Variants in NCOR2 observed in about 807,000 individuals in gnomAD.
NCOR2 encodes the protein nuclear receptor corepressor 2.
A neutral mutation model predicts 262.9 loss-of-function variants in NCOR2; 81 were observed. The ratio of observed to expected loss-of-function variants is 0.31; its 90% CI spans 0.26 to 0.37. The LOEUF (loss-of-function observed/expected upper bound fraction) is 0.37. NCOR2 is among the 10% of genes least tolerant of loss of function. The pLI is 1.00. For missense variants in NCOR2, 3,385 were observed against 3,621.4 expected (o/e 0.93, Z 1.68); for synonymous variants, 1,659 against 1,559.3 (o/e 1.06, Z -1.51).
At chr12:124,381,403 A>T (rs2040400298) in intron 17 of NCOR2, among the ~76,000 whole-genome samples, 1 of 150,694 alleles carries the variant, frequency 6.6e-6, no homozygotes, top group African/African-American at 2.5e-5. Flanking sequence ...ATCACTTTCT[A>T]CTACATTCTT....
chr12:124,366,382 G>A (rs1463661102), intron 20 of NCOR2, among the ~76,000 whole-genome samples: 3 of 150,338 alleles, frequency 2.0e-5, no homozygotes, highest in African/African-American at 7.4e-5. Context: ...AGTCCAGAAC[G>A]GGCCAATCCA....
chr12:124,326,267 T>G, exon 46 of NCOR2: 1 of 1,563,140 alleles, frequency 6.4e-7, no homozygotes, highest in African/African-American at 1.4e-5. Context: ...CCGAGTGCAC[T>G]GAGGAGACAG....
At chr12:124,452,709 C>A (rs1593607874) in intron 6 of NCOR2, among the ~76,000 whole-genome samples, 1 of 152,220 alleles carries the variant, frequency 6.6e-6, no homozygotes, top group Non-Finnish European at 1.5e-5. Flanking sequence ...AAATGCAGGA[C>A]CGGCTCCCGG....
At chr12:124,376,455 C>T (rs935649563) in intron 18 of NCOR2, among the ~76,000 whole-genome samples, 6 of 152,230 alleles carry the variant, frequency 3.9e-5, no homozygotes, top group South Asian at 4.1e-4. Context: ...TTTCTGCTCC[C>T]GGGGTCTTCT....
chr12:124,364,346 C>T (rs552428823), intron 20 of NCOR2, among the ~76,000 whole-genome samples: 2 of 152,328 alleles, frequency 1.3e-5, no homozygotes, highest in African/African-American at 2.4e-5. Flanking sequence ...GGCATGGAGC[C>T]GAATGAGCTC....
chr12:124,521,287 G>A (rs1166120772), intron 1 of NCOR2, among the ~76,000 whole-genome samples: 5 of 152,198 alleles, frequency 3.3e-5, no homozygotes, highest in Admixed American at 6.5e-5. Flanking sequence ...AGACAGCACC[G>A]TGAGCCAGAC....
At chr12:124,524,532 G>A (rs1169475523) in intron 1 of NCOR2, among the ~76,000 whole-genome samples, 2 of 152,220 alleles carry the variant, frequency 1.3e-5, no homozygotes, top group African/African-American at 2.4e-5. Context: ...AGGCCCGCAT[G>A]GAAGGAGGCA....
intron 37 of NCOR2, among the ~76,000 whole-genome samples, chr12:124,338,117 A>T (rs2036045534): frequency 6.6e-6 from 1 of 152,162 alleles, no homozygotes; most frequent in South Asian, 2.1e-4. Context: ...TGAAATAATG[A>T]TTAGGGGAGG....
chr12:124,507,507 C>CA (rs2049115054), intron 1 of NCOR2, among the ~76,000 whole-genome samples: 2 of 152,256 alleles, frequency 1.3e-5, no homozygotes, highest in South Asian at 4.1e-4. Flanking sequence ...AGCAGGCCCT[C>CA]AGAGCCGAGT....
At chr12:124,393,820 A>G (rs1246268611) in intron 16 of NCOR2, among the ~76,000 whole-genome samples, 1 of 152,252 alleles carries the variant, frequency 6.6e-6, no homozygotes, top group East Asian at 1.9e-4. Flanking sequence ...GGTAGAGATA[A>G]AGTGACTTCA....
At chr12:124,506,799 A>C (rs1424760350) in intron 1 of NCOR2, among the ~76,000 whole-genome samples, 1 of 152,132 alleles carries the variant, frequency 6.6e-6, no homozygotes, top group Non-Finnish European at 1.5e-5. Context: ...GGGGAGGGAG[A>C]CGCTGGCACC....
At chr12:124,422,446 C>G in intron 12 of NCOR2, 55 bp downstream of exon 14, 1 of 1,606,716 alleles carries the variant, frequency 6.2e-7, no homozygotes, top group Non-Finnish European at 8.5e-7. Context: ...CCTGAGTCCA[C>G]GCAGTTGCCC....
intron 5 of NCOR2, among the ~76,000 whole-genome samples, chr12:124,458,302 T>A (rs1365428180): frequency 6.6e-6 from 1 of 152,118 alleles, no homozygotes; most frequent in African/African-American, 2.4e-5. Context: ...GTGCCCAGGC[T>A]CCCGGGCTGC....
intron 4 of NCOR2, among the ~76,000 whole-genome samples, chr12:124,467,255 C>A (rs1426145475): frequency 6.3e-5 from 1 of 15,906 alleles, no homozygotes; most frequent in African/African-American, 1.8e-4. Context: ...CCCCATCACC[C>A]CCATTATCCT....
intron 16 of NCOR2, among the ~76,000 whole-genome samples, chr12:124,386,300 C>A (rs897341597): frequency 6.6e-6 from 1 of 152,106 alleles, no homozygotes; most frequent in Non-Finnish European, 1.5e-5. Flanking sequence ...CGTGACCCAG[C>A]CCTGACACTC....
chr12:124,367,864 C>T (rs925418384), intron 20 of NCOR2, among the ~76,000 whole-genome samples: 1 of 152,208 alleles, frequency 6.6e-6, no homozygotes, highest in Non-Finnish European at 1.5e-5. Context: ...AAACTCTTGA[C>T]CTCAAATGAT....
In NCOR2 at chr12:124,346,623, G is replaced by A. The variant is rs771909123; in HGVS notation, c.4300C>T (p.Arg1434Trp). Reference sequence around the variant, plus strand: ...GCCAGGGGCAGCTCGGGCGTGTGCCGCAGCTCCTCGCGCGGGATCTCATGG... The same window carrying A: ...GCCAGGGGCAGCTCGGGCGTGTGCCACAGCTCCTCGCGCGGGATCTCATGG... The change falls in exon 31 of 47, where the codon CGG (arginine) becomes TGG (tryptophan). Residue 1434 changes from arginine to tryptophan, a missense_variant. Coordinates refer to ENST00000405201, the Ensembl canonical transcript of NCOR2. 23 of 1,592,988 alleles carry A rather than the reference G, an allele frequency of 1.4e-5. No homozygotes were observed. Among genetic ancestry groups the A allele is most frequent in the Admixed American group, 3.4e-5 (2 of 58,704 alleles).
intron 10 of NCOR2, among the ~76,000 whole-genome samples, chr12:124,427,337 G>A (rs1301869419): frequency 6.6e-6 from 1 of 152,146 alleles, no homozygotes; most frequent in Non-Finnish European, 1.5e-5. Flanking sequence ...GGGCCCACCT[G>A]GGATCTGGCC....
chr12:124,325,392 C>CCCCCGG, exon 47 of NCOR2: 15 of 1,152,214 alleles, frequency 1.3e-5, no homozygotes, highest in African/African-American at 1.7e-5. Flanking sequence ...CCCCCCCGCC[C>CCCCCGG]TGTTCTGAGT....
Sources: gnomAD v4.1 joint callset for allele counts (sites outside exome capture counted in the v4.1 genomes callset) on GRCh38, gnomAD v4.1.1 for gene constraint, MANE v1.5 for transcripts, NCBI Gene and HGNC (gene_info 2026-07-23, HGNC 2026-07-21) for gene names.